The following ANKRD28 variants were observed in gnomAD, a reference collection of about 807,000 sequenced individuals.
The protein encoded by ANKRD28 is ankyrin repeat domain 28.
In ANKRD28, 44 loss-of-function variants were observed where a neutral mutation model predicts 126.5. The observed-to-expected ratio is 0.35, with a 90% CI of 0.27 to 0.45. The LOEUF is 0.45. Among genes scored for constraint, ANKRD28 ranks in the 20% least tolerant of loss-of-function variants. The pLI is 1.00. For missense variants in ANKRD28, 1,110 were observed against 1,316.6 expected (o/e 0.84, Z 2.43); for synonymous variants, 442 against 468.5 (o/e 0.94, Z 0.73).
At chr3:15,797,985 A>G (rs187107028), upstream of ANKRD28, 5,312 of 985,384 alleles carry the variant, frequency 5.4e-3, 18 homozygotes, top group Non-Finnish European at 5.8e-3. Flanking sequence ...GATCTGAGCT[A>G]CTTCTCGGGA....
rs2061262784 is a variant in ANKRD28, at chr3:15,833,855, G to A, written c.27+25522C>T. On this transcript the variant is annotated intron_variant, in intron 1 of 27. Coordinates refer to the ANKRD28 transcript ENST00000399451. This position sits in a 1 kb window ranked among gnomAD's most constrained non-coding sequence, Gnocchi z 4.4. ...TTCTTTTATGACTAATGATGTTGAGGATTTTTTCATGTTTTTTGGCCACTT... is the reference window on the plus strand; with the variant it reads ...TTCTTTTATGACTAATGATGTTGAGAATTTTTTCATGTTTTTTGGCCACTT... 6.6e-6 allele frequency among the ~76,000 whole-genome samples: 1 copy of A among 152,070 alleles called. No homozygotes were observed. The highest frequency in any genetic ancestry group is 2.4e-5 in the African/African-American group (1 of 41,506).
At chr3:15,689,113 T>TA (rs918853221) in intron 18 of ANKRD28, among the ~76,000 whole-genome samples, 2 of 152,212 alleles carry the variant, frequency 1.3e-5, no homozygotes, top group East Asian at 1.9e-4. Flanking sequence ...TTTTACCACT[T>TA]AAAGTCAAAA....
chr3:15,814,285 T>A lies in ANKRD28; in HGVS notation c.28-18979A>T. On this transcript the variant is annotated intron_variant, in intron 1 of 27. Transcript: ENST00000399451. This position sits in a 1 kb window ranked among gnomAD's most constrained non-coding sequence, Gnocchi z 4.7. Reference sequence around the variant, plus strand: ...TATTTTCCTCTGGTGGAGGCAGTTGTACTGTTTCAATTCCAATCACAGGCC... The same window carrying A: ...TATTTTCCTCTGGTGGAGGCAGTTGAACTGTTTCAATTCCAATCACAGGCC... 1 of 1,275,998 alleles carries A rather than the reference T, an allele frequency of 7.8e-7. No individual in the cohort carries two copies. Among genetic ancestry groups the A allele is most frequent in the South Asian group, 1.3e-5 (1 of 77,904 alleles). 79.0% of individuals were successfully genotyped at this position (1,275,998 alleles called of 1,614,324 possible).
chr3:15,676,694 C>G, intron 26 of ANKRD28: 1 of 274,188 alleles, frequency 3.6e-6, no homozygotes, highest in South Asian at 4.8e-5. Context: ...ACAGAATACA[C>G]AAAATAGTAC....
intron 3 of ANKRD28, among the ~76,000 whole-genome samples, chr3:15,762,793 T>C (rs1421286646): frequency 6.6e-6 from 1 of 152,230 alleles, no homozygotes; most frequent in Non-Finnish European, 1.5e-5. Flanking sequence ...TTTTGAATAC[T>C]ATATGCCAGG....
At chr3:15,765,448 T>C (rs917343439) in intron 3 of ANKRD28, among the ~76,000 whole-genome samples, 5 of 152,176 alleles carry the variant, frequency 3.3e-5, no homozygotes, top group African/African-American at 1.2e-4. Context: ...CTGTCTCCAC[T>C]GTTGTATTTG....
At chr3:15,736,161 G>C (rs551960121) in intron 5 of ANKRD28, among the ~76,000 whole-genome samples, 2 of 152,272 alleles carry the variant, frequency 1.3e-5, no homozygotes, top group East Asian at 3.9e-4. Flanking sequence ...CTGAAAACAG[G>C]TGACTACACT....
chr3:15,716,462 A>G (rs1181212236), intron 8 of ANKRD28, among the ~76,000 whole-genome samples: 2 of 150,774 alleles, frequency 1.3e-5, no homozygotes, highest in East Asian at 2.0e-4. Flanking sequence ...TGGCTAATTT[A>G]TTTTTTGTAG....
At chr3:15,855,531 A>G (rs2061746638) in intron 1 of ANKRD28, among the ~76,000 whole-genome samples, 1 of 152,234 alleles carries the variant, frequency 6.6e-6, no homozygotes, top group South Asian at 2.1e-4. Context: ...CCCAGATTAC[A>G]CATATGCATA....
intron 3 of ANKRD28, among the ~76,000 whole-genome samples, chr3:15,753,121 G>A (rs2057958368): frequency 6.6e-6 from 1 of 152,124 alleles, no homozygotes; most frequent in Admixed American, 6.5e-5. Context: ...TAATTAGAGA[G>A]CTTTGAACAA....
At chr3:15,685,640 A>G (rs2068022111) in intron 20 of ANKRD28, among the ~76,000 whole-genome samples, 195 bp from the exon 21 acceptor site, 1 of 152,204 alleles carries the variant, frequency 6.6e-6, no homozygotes, top group Admixed American at 6.5e-5. Context: ...ACCCTTCTAA[A>G]ATGCAAATAG....
At chr3:15,674,489 C>G (rs537456733) in intron 27 of ANKRD28, among the ~76,000 whole-genome samples, 1 of 152,250 alleles carries the variant, frequency 6.6e-6, no homozygotes, top group East Asian at 1.9e-4. Context: ...ATCAACAGTT[C>G]AGTTCTGCAC....
At chr3:15,762,123 T>C (rs1248926775) in intron 3 of ANKRD28, among the ~76,000 whole-genome samples, 1 of 141,790 alleles carries the variant, frequency 7.1e-6, no homozygotes, top group Non-Finnish European at 1.5e-5. Context: ...TAGGTGGAGG[T>C]TGCAGTAAAC....
intron 2 of ANKRD28, among the ~76,000 whole-genome samples, chr3:15,780,593 A>G (rs1367983609): frequency 6.6e-6 from 1 of 152,172 alleles, no homozygotes; most frequent in Non-Finnish European, 1.5e-5. Flanking sequence ...ATGAAACAAT[A>G]AAAGACCATG....
At chr3:15,836,866 CAAGGTCAGG>C (rs2061335626) in intron 1 of ANKRD28, among the ~76,000 whole-genome samples, 1 of 49,280 alleles carries the variant, frequency 2.0e-5, no homozygotes, top group Non-Finnish European at 8.9e-5. Flanking sequence ...GGGCAGATCA[CAAGGTCAGG>C]AGATCACAAG....
intron 24 of ANKRD28, 164 bp from the exon 25 acceptor site, chr3:15,677,726 T>A: frequency 2.1e-6 from 1 of 472,564 alleles, no homozygotes; most frequent in African/African-American, 1.9e-5. Context: ...CTTCATATAA[T>A]TGTATGAGAC....
At chr3:15,729,254 CCTT>C in intron 6 of ANKRD28, among the ~76,000 whole-genome samples, 1 of 152,294 alleles carries the variant, frequency 6.6e-6, no homozygotes, top group Admixed American at 6.5e-5. Flanking sequence ...AGTGTTTTCT[CCTT>C]CTCCCACAAT....
chr3:15,737,512 A>G (rs888609407), intron 4 of ANKRD28, among the ~76,000 whole-genome samples: 1 of 13,460 alleles, frequency 7.4e-5, no homozygotes, highest in African/African-American at 3.0e-4. Context: ...ATTCCTATCA[A>G]AATGTGCAAG....
At chr3:15,672,717 A>C (rs557937176) in intron 27 of ANKRD28, among the ~76,000 whole-genome samples, 2 of 152,264 alleles carry the variant, frequency 1.3e-5, no homozygotes, top group East Asian at 3.9e-4. Flanking sequence ...TGGGGAAAGA[A>C]GCTTGTTTCA....
Sources: allele counts gnomAD v4.1 joint callset (sites outside exome capture counted in the v4.1 genomes callset), GRCh38; gene constraint gnomAD v4.1.1; non-coding constraint Gnocchi (gnomAD v3.1); transcripts MANE v1.5; gene names NCBI Gene and HGNC (gene_info 2026-07-23, HGNC 2026-07-21).